The following PROSER2 variants were observed in gnomAD, a reference collection of about 807,000 sequenced individuals.
The protein encoded by PROSER2 is proline and serine-rich protein 2.
PROSER2 carries 18 observed loss-of-function variants against 14.6 expected under a neutral mutation model. That is an observed-to-expected ratio of 1.23 (90% CI 0.85 to 1.83). PROSER2 has a LOEUF of 1.83. PROSER2 is among the 40% of genes most tolerant of loss of function. The pLI is 0.00. For synonymous variants in PROSER2, 367 were observed against 286.4 expected, an observed-to-expected ratio of 1.28 and a Z score of -2.84; for missense variants, 823 against 629.8, an observed-to-expected ratio of 1.31 and a Z score of -3.28.
At position 11,859,639 on chromosome 10, in the gene PROSER2, G is replaced by A. The variant is rs181846790; in HGVS notation, c.139-6892G>A. Among the ~76,000 whole-genome samples the A allele has an allele frequency of 6.6e-5, 10 of 152,286 alleles. No individual in the cohort carries two copies. In the South Asian group the frequency reaches 1.5e-3, roughly 22 times the overall value. On this transcript the variant is annotated intron_variant, in intron 2 of 3. Transcript: ENST00000277570. The stretch of plus-strand genomic sequence containing the variant: ...GCCTCTTCCAACAGCACCCAGCCCT[G>A]CAGGAGCCTCCACTGCGGGCTCCAG...
intron 2 of PROSER2, among the ~76,000 whole-genome samples, chr10:11,860,307 C>T (rs1834211254): frequency 6.6e-6 from 1 of 152,114 alleles, no homozygotes; most frequent in African/African-American, 2.4e-5. Context: ...AGCTGCTCAC[C>T]AACTGGCTCG....
At position 11,865,151 on chromosome 10, in the gene PROSER2, C is replaced by G. The variant is rs1406187942; in HGVS notation, c.139-1380C>G. Among the ~76,000 whole-genome samples the G allele has an allele frequency of 1.3e-5, 2 of 152,116 alleles. No individual in the cohort carries two copies. The highest frequency in any genetic ancestry group is 2.4e-5 in the African/African-American group (1 of 41,436). On this transcript the variant is annotated intron_variant, in intron 2 of 3. Coordinates refer to ENST00000277570, the MANE Select transcript of PROSER2 (RefSeq NM_153256.4). The surrounding 1 kb of genome is among the most constrained non-coding windows in gnomAD (Gnocchi z 4.2). ...CTCTGATTTCTCTCTCTGGAACTCT[C>G]ATTATTCACATAGTGGCCCTCCCAG...
At chr10:11,861,443 T>G (rs1252601151) in intron 2 of PROSER2, among the ~76,000 whole-genome samples, 1 of 152,076 alleles carries the variant, frequency 6.6e-6, no homozygotes, top group Non-Finnish European at 1.5e-5. Flanking sequence ...ATTTATACTG[T>G]GGTACTGGAT....
intron 1 of PROSER2, among the ~76,000 whole-genome samples, chr10:11,831,411 A>C (rs1471326355): frequency 6.6e-6 from 1 of 152,194 alleles, no homozygotes; most frequent in African/African-American, 2.4e-5. Flanking sequence ...CTTCAACTGG[A>C]ATTTTCTTCT....
intron 2 of PROSER2, chr10:11,857,411 GC>G (rs1419691165): frequency 6.6e-6 from 1 of 152,166 alleles, no homozygotes; most frequent in Non-Finnish European, 1.5e-5. Context: ...GTTTAAGTGA[GC>G]CATCTTGAAA....
At chr10:11,839,266 A>G (rs1397350934) in intron 1 of PROSER2, among the ~76,000 whole-genome samples, 1 of 152,224 alleles carries the variant, frequency 6.6e-6, no homozygotes, top group Non-Finnish European at 1.5e-5. Flanking sequence ...AAGTGGAACC[A>G]TAAAAATGCT....
rs1013572295 is a variant in PROSER2 at position 11,823,673 on chromosome 10, C to T, written c.-82+203C>T. Among the ~76,000 whole-genome samples the T allele has an allele frequency of 4.6e-5, 7 of 151,908 alleles. No individual in the cohort carries two copies. The highest frequency in any genetic ancestry group is 6.6e-5 in the Admixed American group (1 of 15,266). ...GCCACCCGGTGCCCGACCCCCGACC[C>T]CGGGGCGTCGCTGCCTCCTCGGGGA... On this transcript the variant is annotated intron_variant, in intron 1 of 3. Coordinates refer to ENST00000277570, the MANE Select transcript of PROSER2 (RefSeq NM_153256.4). This position sits in a 1 kb window ranked among gnomAD's most constrained non-coding sequence, Gnocchi z 6.2.
intron 1 of PROSER2, among the ~76,000 whole-genome samples, chr10:11,839,921 A>ATTTATT (rs1487868410): frequency 6.6e-6 from 1 of 150,890 alleles, no homozygotes; most frequent in Admixed American, 6.6e-5. Context: ...GTTTGCTGTC[A>ATTTATT]TTTATTTTTA....
chr10:11,855,000 G>C (rs1834096024), intron 2 of PROSER2, among the ~76,000 whole-genome samples: 1 of 151,918 alleles, frequency 6.6e-6, no homozygotes, highest in African/African-American at 2.4e-5. Flanking sequence ...GGTCATGAAA[G>C]ATTAGTCAGT....
chr10:11,866,254 G>C lies in PROSER2; in HGVS notation c.139-277G>C, dbSNP rs548168335. ...GACTGCAGCTCTCCAGTGTGCTCCC[G>C]AGAGGGTGCTTTTTGTCATTGACTT... On this transcript the variant is annotated intron_variant, in intron 2 of 3. Transcript: ENST00000277570. The surrounding 1 kb of genome is among the most constrained non-coding windows in gnomAD (Gnocchi z 6.0). Among the ~76,000 whole-genome samples, 2 of 152,304 alleles carry C rather than the reference G, an allele frequency of 1.3e-5. No individual in the cohort carries two copies. The highest frequency in any genetic ancestry group is 4.1e-4 in the South Asian group (2 of 4,822).
chr10:11,827,632 C>A (rs550921217), intron 1 of PROSER2, among the ~76,000 whole-genome samples: 1 of 151,206 alleles, frequency 6.6e-6, no homozygotes, highest in South Asian at 2.1e-4. Context: ...TGACCACGTA[C>A]AATGTGCCAA....
Position 11,838,840 on chromosome 10 carries a change from T to C in PROSER2, c.-81-13157T>C, listed in dbSNP as rs1833797485. 6.6e-6 allele frequency among the ~76,000 whole-genome samples: 1 copy of C among 152,170 alleles called. No homozygotes were observed. Among genetic ancestry groups the C allele is most frequent in the Non-Finnish European group, 1.5e-5 (1 of 68,036 alleles). ...TCCTTGTTCATTATTTTTTTCTGAG[T>C]TTCTTATTAGTTTAGAAGGTTTTCT... On this transcript the variant is annotated intron_variant, in intron 1 of 3. Transcript: ENST00000277570. This position sits in a 1 kb window ranked among gnomAD's most constrained non-coding sequence, Gnocchi z 4.4.
chr10:11,851,235 TG>T (rs373087237), intron 1 of PROSER2: 3 of 152,070 alleles, frequency 2.0e-5, no homozygotes, highest in South Asian at 4.2e-4. Flanking sequence ...TAGCCAGGGT[TG>T]GGGGGGCAGT....
chr10:11,846,229 C>G (rs57758355), intron 1 of PROSER2, among the ~76,000 whole-genome samples: 2 of 152,148 alleles, frequency 1.3e-5, no homozygotes, highest in African/African-American at 2.4e-5. Context: ...TCAAGTGATT[C>G]ACCTGCCTCG....
chr10:11,847,622 T>C (rs899259360), intron 1 of PROSER2, among the ~76,000 whole-genome samples: 7 of 152,192 alleles, frequency 4.6e-5, no homozygotes, highest in African/African-American at 1.7e-4. Flanking sequence ...TTTCACTATG[T>C]TGGCCAGGCT....
intron 1 of PROSER2, among the ~76,000 whole-genome samples, chr10:11,846,872 G>T (rs1229200955): frequency 6.6e-6 from 1 of 151,982 alleles, no homozygotes; most frequent in African/African-American, 2.4e-5. Flanking sequence ...CCCACCTCAC[G>T]AGACTACAGG....
intron 2 of PROSER2, among the ~76,000 whole-genome samples, chr10:11,858,734 G>T (rs528661079): frequency 6.6e-6 from 1 of 152,218 alleles, no homozygotes; most frequent in Admixed American, 6.5e-5. Context: ...GGATGGGCCC[G>T]GCACAGTAGC....
intron 2 of PROSER2, among the ~76,000 whole-genome samples, chr10:11,854,172 G>A (rs1384284528): frequency 6.6e-6 from 1 of 152,180 alleles, no homozygotes; most frequent in Non-Finnish European, 1.5e-5. Context: ...CCTGTTAACT[G>A]TTTTCAGGCA....
intron 1 of PROSER2, among the ~76,000 whole-genome samples, chr10:11,825,097 T>C (rs1007326161): frequency 3.3e-5 from 5 of 152,190 alleles, no homozygotes; most frequent in African/African-American, 7.2e-5. Flanking sequence ...TGGCCTTGGT[T>C]CCAAAGTTCT....
Sources: gnomAD v4.1 joint callset for allele counts (sites outside exome capture counted in the v4.1 genomes callset) on GRCh38, gnomAD v4.1.1 for gene constraint, Gnocchi (gnomAD v3.1) non-coding constraint, MANE v1.5 for transcripts, NCBI Gene and HGNC (gene_info 2026-07-23, HGNC 2026-07-21) for gene names.